CAPRIN1: variants seen among roughly 807,000 people sequenced by gnomAD.
CAPRIN1 encodes the protein caprin-1.
Under a neutral mutation model 100.9 loss-of-function variants are expected in CAPRIN1, and 29 were observed. The ratio of observed to expected loss-of-function variants is 0.29; its 90% CI spans 0.21 to 0.39. CAPRIN1 has a LOEUF of 0.39. Among genes scored for constraint, CAPRIN1 ranks in the 10% least tolerant of loss-of-function variants. The pLI, the probability that CAPRIN1 is intolerant of heterozygous loss-of-function variation, is 1.00. For synonymous variants in CAPRIN1, 338 were observed against 307.5 expected (o/e 1.10, Z -1.04); for missense variants, 795 against 876.7 (o/e 0.91, Z 1.18).
intron 7 of CAPRIN1, among the ~76,000 whole-genome samples, chr11:34,082,081 G>A (rs1795353537): frequency 6.6e-6 from 1 of 151,856 alleles, no homozygotes. Context: ...CAGAGTGCTG[G>A]GATTACAGGC....
intron 2 of CAPRIN1, among the ~76,000 whole-genome samples, chr11:34,066,483 G>A (rs1218832024): frequency 6.6e-6 from 1 of 151,744 alleles, no homozygotes; most frequent in African/African-American, 2.4e-5. Flanking sequence ...ACAGGTGGCC[G>A]CCTCCATACC....
chr11:34,072,297 C>T (rs889922408), intron 4 of CAPRIN1, among the ~76,000 whole-genome samples: 6 of 144,200 alleles, frequency 4.2e-5, no homozygotes, highest in African/African-American at 1.0e-4. Flanking sequence ...GCCTGGGCAA[C>T]GTGATAAAAC....
chr11:34,071,314 A>C (rs1483213399), intron 2 of CAPRIN1, among the ~76,000 whole-genome samples: 1 of 152,178 alleles, frequency 6.6e-6, no homozygotes, highest in East Asian at 1.9e-4. Context: ...CTGTAATCCT[A>C]ACACTTGGGG....
At chr11:34,085,191 A>C (rs1851114109) in intron 9 of CAPRIN1, among the ~76,000 whole-genome samples, 1 of 152,222 alleles carries the variant, frequency 6.6e-6, no homozygotes, top group South Asian at 2.1e-4. Flanking sequence ...AGAGCAGGGA[A>C]TTACTAAGAA....
intron 2 of CAPRIN1, 74 bp downstream of exon 2, chr11:34,052,710 A>T: frequency 6.7e-7 from 1 of 1,482,008 alleles, no homozygotes; most frequent in Non-Finnish European, 9.1e-7. Context: ...TGGTCGCTGG[A>T]GCCTTCGCTT....
rs1019163151 is a variant in CAPRIN1, at chr11:34,102,474, G to GAGGA, written c.*3110_*3113dup. On this transcript the variant is annotated 3_prime_UTR_variant, in exon 19 of 19. Coordinates refer to ENST00000341394, the MANE Select transcript of CAPRIN1 (RefSeq NM_005898.5). ...TTGTCCTTTTTATGGAGTTAACGGG[G>GAGGA]AGGAAGACCCCTCAGGAAAACGAAA... Among the ~76,000 whole-genome samples the GAGGA allele has an allele frequency of 1.1e-4, 17 of 152,248 alleles. No individual in the cohort carries two copies. The highest frequency in any genetic ancestry group is 4.1e-4 in the African/African-American group (17 of 41,530).
intron 2 of CAPRIN1, among the ~76,000 whole-genome samples, chr11:34,058,471 T>G (rs535650407): frequency 4.6e-5 from 7 of 152,228 alleles, no homozygotes; most frequent in African/African-American, 1.7e-4. Flanking sequence ...AATTAGAATT[T>G]GTAATGTTCC....
intron 4 of CAPRIN1, among the ~76,000 whole-genome samples, chr11:34,075,371 C>G (rs1279058478): frequency 6.6e-6 from 1 of 152,136 alleles, no homozygotes; most frequent in Non-Finnish European, 1.5e-5. Context: ...ACTAGCCTTC[C>G]TCTATTCCCA....
chr11:34,098,854 TA>T, intron 18 of CAPRIN1: 1 of 987,634 alleles, frequency 1.0e-6, no homozygotes, highest in Non-Finnish European at 1.2e-6. Context: ...GTTTAGGTAA[TA>T]AGGTCTGTTT....
Position 34,082,984 on chromosome 11 carries a change from A to G in CAPRIN1, c.909A>G (p.Thr303=), listed in dbSNP as rs1303449947. 9 of 1,614,034 alleles carry G rather than the reference A, an allele frequency of 5.6e-6. No individual in the cohort carries two copies. The highest frequency in any genetic ancestry group is 7.6e-6 in the Non-Finnish European group (9 of 1,179,988). ...TAAATAGACAGTTCATGGCAGAAAC[A>G]CAGTTCACCAGTGGTGAAAAGGAGC... ...EYVNRQFMAE[T]QFTSGEKEQV... The change falls in exon 9 of 19, where the codon ACA becomes ACG. Residue 303 remains threonine (T), a synonymous_variant. Transcript: ENST00000341394.
rs780786162 is a variant in CAPRIN1 at position 34,099,384 on chromosome 11, A to G, written c.*17A>G. ...GTGAATTAATCTGATTCACAGGATT[A>G]TGTTTAATCGCCAAAAACACACTGG... On this transcript the variant is annotated 3_prime_UTR_variant, in exon 19 of 19. Transcript: ENST00000341394. 109 of 1,604,832 alleles carry G rather than the reference A, an allele frequency of 6.8e-5. No individual in the cohort carries two copies. Among genetic ancestry groups the G allele is most frequent in the Non-Finnish European group, 8.7e-5 (102 of 1,171,736 alleles).
At chr11:34,072,102 T>C (rs953975333) in intron 4 of CAPRIN1, 115 bp downstream of exon 4, 13 of 634,074 alleles carry the variant, frequency 2.1e-5, no homozygotes, top group African/African-American at 2.0e-4. Flanking sequence ...TATCCAATTA[T>C]ATCTAAGATG....
At chr11:34,085,943 A>G in intron 9 of CAPRIN1, 121 bp from the exon 10 acceptor site, 1 of 722,908 alleles carries the variant, frequency 1.4e-6, no homozygotes, top group Non-Finnish European at 2.3e-6. Context: ...GGGTAACTGC[A>G]TTAAAGCCCG....
rs1444937943 is a variant in CAPRIN1, at chr11:34,100,378, C to CT, written c.*1015dup. ...ATACCAAATGCCTGCTGCTACCACC[C>CT]TTTTCAATTGCTATCTTTTGAAAGG... On this transcript the variant is annotated 3_prime_UTR_variant, in exon 19 of 19. Coordinates refer to ENST00000341394, the MANE Select transcript of CAPRIN1 (RefSeq NM_005898.5). The CT allele has an allele frequency of 6.6e-6, 1 of 152,124 alleles. No homozygotes were observed. The highest frequency in any genetic ancestry group is 1.5e-5 in the Non-Finnish European group (1 of 68,016). The allele number at this position is 152,124 out of a possible 1,614,324, so 9.4% of individuals were successfully genotyped here.
intron 4 of CAPRIN1, among the ~76,000 whole-genome samples, chr11:34,075,458 A>G (rs1173063964): frequency 6.6e-6 from 1 of 152,254 alleles, no homozygotes; most frequent in African/African-American, 2.4e-5. Flanking sequence ...CTTTCCAGGA[A>G]AGAAAAAAAG....
Position 34,079,641 on chromosome 11 carries a change from G to A in CAPRIN1, c.702G>A (p.Lys234=). 1 of 1,613,732 alleles carries A rather than the reference G, an allele frequency of 6.2e-7. No individual in the cohort carries two copies. The highest frequency in any genetic ancestry group is 8.5e-7 in the Non-Finnish European group (1 of 1,179,814). The change falls in exon 7 of 19, where the codon AAG becomes AAA. Residue 234 remains lysine, a synonymous_variant. Transcript: ENST00000341394. ...TCTTTTTCTTAGATAAAGTTCTAAA[G>A]GAAATTGTTGAGCGTGTTTTTCAGT... ...PVCGTTYKVL[K]EIVERVFQSN...
At chr11:34,098,124 A>G in intron 18 of CAPRIN1, 6 of 1,002,614 alleles carry the variant, frequency 6.0e-6, no homozygotes, top group Non-Finnish European at 7.2e-6. Flanking sequence ...ACATTTATAT[A>G]AATTTATTAT....
chr11:34,098,361 T>G (rs1851402116), intron 18 of CAPRIN1: 1 of 984,888 alleles, frequency 1.0e-6, no homozygotes, highest in African/African-American at 1.7e-5. Flanking sequence ...TAAAAAAAAT[T>G]ACAGGTTTAG....
Position 34,076,356 on chromosome 11 carries a change from G to A in CAPRIN1, c.487G>A (p.Glu163Lys). ...QYVLDKLGDD[E>K]VRTDLKQGLN... Reference sequence around the variant, plus strand: ...TGTTTTGGACAAATTGGGAGATGATGAAGTGCGGACTGACCTGAAACAAGG... The same window carrying A: ...TGTTTTGGACAAATTGGGAGATGATAAAGTGCGGACTGACCTGAAACAAGG... Residue 163 changes from glutamate to lysine, a missense_variant, in exon 5 of 19, where the codon GAA becomes AAA. By Grantham distance (56) the Glu-to-Lys change is moderately conservative. Coordinates refer to ENST00000341394, the MANE Select transcript of CAPRIN1 (RefSeq NM_005898.5). 1 of 1,614,196 alleles carries A rather than the reference G, an allele frequency of 6.2e-7. No individual in the cohort carries two copies. Among genetic ancestry groups the A allele is most frequent in the South Asian group, 1.1e-5 (1 of 91,090 alleles).
Sources: allele counts gnomAD v4.1 joint callset (sites outside exome capture counted in the v4.1 genomes callset), GRCh38; gene constraint gnomAD v4.1.1; transcripts MANE v1.5; gene names NCBI Gene and HGNC (gene_info 2026-07-23, HGNC 2026-07-21).